ANXA6: variants seen among roughly 807,000 people sequenced by gnomAD.
ANXA6 encodes 67 kDa calelectrin.
Under a neutral mutation model 95.4 loss-of-function variants are expected in ANXA6, and 71 were observed. That is an observed-to-expected ratio of 0.74 (90% CI 0.61 to 0.91). The LOEUF (loss-of-function observed/expected upper bound fraction) is 0.91. Ranked by LOEUF, ANXA6 falls within the 40% of genes least tolerant of loss-of-function variation. The pLI is 0.00. For synonymous variants in ANXA6, 289 were observed against 315.9 expected (o/e 0.91, Z 0.90); for missense variants, 830 against 876.4 (o/e 0.95, Z 0.67).
intron 24 of ANXA6, among the ~76,000 whole-genome samples, chr5:151,104,631 G>A (rs1415622891): frequency 1.3e-5 from 2 of 152,214 alleles, no homozygotes; most frequent in African/African-American, 4.8e-5. Context: ...AGACTGTAGG[G>A]TGAGGGTCTC....
chr5:151,149,435 A>G (rs1255371207), intron 1 of ANXA6, among the ~76,000 whole-genome samples: 1 of 152,198 alleles, frequency 6.6e-6, no homozygotes, highest in Non-Finnish European at 1.5e-5. Flanking sequence ...TCTTAAGAGA[A>G]GGAGAAGAGA....
intron 2 of ANXA6, among the ~76,000 whole-genome samples, chr5:151,146,248 C>T (rs1242970599): frequency 6.6e-6 from 1 of 152,228 alleles, no homozygotes; most frequent in Non-Finnish European, 1.5e-5. Context: ...CATCTAGAAT[C>T]CTGCAGTTCA....
intron 23 of ANXA6, among the ~76,000 whole-genome samples, chr5:151,108,062 T>C (rs1764746912): frequency 2.0e-5 from 3 of 152,064 alleles, no homozygotes; most frequent in Admixed American, 1.3e-4. Flanking sequence ...CACATGCATA[T>C]GTAACGTGTT....
intron 17 of ANXA6, 28 bp from the exon 18 acceptor site, chr5:151,119,418 A>G (rs780494321): frequency 6.2e-7 from 1 of 1,606,196 alleles, no homozygotes; most frequent in Non-Finnish European, 8.5e-7. Flanking sequence ...AGATGATCTC[A>G]GCCATAGTTC....
At chr5:151,119,490 G>C in intron 17 of ANXA6, 100 bp from the exon 18 acceptor site, 2 of 1,001,362 alleles carry the variant, frequency 2.0e-6, no homozygotes, top group South Asian at 2.7e-5. Context: ...AGCATTCCTG[G>C]ATTTTCTCCT....
In ANXA6 at chr5:151,138,783, A is replaced by C; in HGVS notation, c.213T>G (p.Ile71Met). 6.2e-7 allele frequency: 1 copy of C among 1,612,816 alleles called. No homozygotes were observed. The highest frequency in any genetic ancestry group is 8.5e-7 in the Non-Finnish European group (1 of 1,178,908). The change falls in exon 5 of 26, where the codon ATT becomes ATG. Residue 71 changes from isoleucine (I) to methionine (M), a missense_variant. Transcript: ENST00000354546. ...CCGTCAATTCATACTTTAAATCAGC[A>C]ATGAGGTCCTGGCAGGTGGGGAAGA... is the stretch of plus-strand genomic sequence containing the variant. ...SYKSLYGKDLIADLKYELTGK... is the reference protein window; with the variant it reads ...SYKSLYGKDLMADLKYELTGK...
intron 11 of ANXA6, among the ~76,000 whole-genome samples, 162 bp downstream of exon 11, chr5:151,131,069 C>T (rs1484395587): frequency 6.6e-6 from 1 of 152,210 alleles, no homozygotes. Context: ...TGACCAGCAG[C>T]ATTCCTGGCT....
Position 151,101,356 on chromosome 5 carries a change from C to G in ANXA6, c.*92G>C. On this transcript the variant is annotated 3_prime_UTR_variant, in exon 26 of 26. Coordinates refer to ENST00000354546, the MANE Select transcript of ANXA6 (RefSeq NM_001155.5). ...CCCCTCCCCCCACCCCTGCCCCTTCCTTAGTCTCTGGAGCTGGAACAATCA... is the reference window on the plus strand; with the variant it reads ...CCCCTCCCCCCACCCCTGCCCCTTCGTTAGTCTCTGGAGCTGGAACAATCA... 1 of 489,976 alleles carries G rather than the reference C, an allele frequency of 2.0e-6. No individual in the cohort carries two copies. The highest frequency in any genetic ancestry group is 7.1e-5 in the East Asian group (1 of 14,014). The allele number at this position is 489,976 out of a possible 1,614,324, so 30.4% of individuals were successfully genotyped here. A position where few individuals can be genotyped will look rare whatever the true frequency, so the allele number is the denominator to read the frequency against.
chr5:151,145,029 C>T (rs756934280), intron 2 of ANXA6, among the ~76,000 whole-genome samples: 1 of 152,224 alleles, frequency 6.6e-6, no homozygotes. Context: ...TCACCCACCC[C>T]ACCCTGACTG....
intron 24 of ANXA6, among the ~76,000 whole-genome samples, chr5:151,104,227 G>A (rs1764631745): frequency 1.3e-5 from 2 of 152,130 alleles, no homozygotes; most frequent in South Asian, 4.1e-4. Context: ...CCTTGATTTT[G>A]GGCTTTTGGC....
intron 18 of ANXA6, among the ~76,000 whole-genome samples, chr5:151,118,635 T>C (rs7720108): frequency 0.29 from 43,370 of 151,996 alleles, 6,798 homozygotes; most frequent in East Asian, 0.48. Context: ...GGTCTCACCA[T>C]GTTAGCCAAG....
chr5:151,109,897 CCTTGGTTATTATTCA>C, intron 21 of ANXA6, 51 bp from the exon 22 acceptor site: 4 of 1,360,058 alleles, frequency 2.9e-6, no homozygotes, highest in Non-Finnish European at 4.1e-6. Context: ...CATGAGAAAG[CCTTGGTTATTATTCA>C]CTTTCATGTC....
chr5:151,142,476 T>C (rs1582015034), intron 2 of ANXA6, among the ~76,000 whole-genome samples: 1 of 144,574 alleles, frequency 6.9e-6, no homozygotes, highest in Non-Finnish European at 1.5e-5. Context: ...AGACTGACTC[T>C]GTCTCAAAAA....
In ANXA6 at chr5:151,117,115, TG is replaced by T. The variant is rs758773003; in HGVS notation, c.1572+11del. The T allele has an allele frequency of 4.4e-6, 7 of 1,584,054 alleles. No individual in the cohort carries two copies. The highest frequency in any genetic ancestry group is 1.7e-5 in the Admixed American group (1 of 57,846). ...CCCGGCAGAGGTGACTGGGGTGGGCTGGGGGTCTTACCTGGGCATCTTCCCG... is the reference window on the plus strand; with the variant it reads ...CCCGGCAGAGGTGACTGGGGTGGGCTGGGGTCTTACCTGGGCATCTTCCCG... On this transcript the variant is annotated intron_variant, in intron 20 of 25. Transcript: ENST00000354546.
rs1765381034 is a variant in ANXA6 at position 151,128,139 on chromosome 5, C to T, written c.977+42G>A. 2.5e-6 allele frequency: 4 copies of T among 1,576,724 alleles called. No homozygotes were observed. The African/African-American group carries it at 5.4e-5, about 21-fold the overall frequency. On this transcript the variant is annotated intron_variant, in intron 13 of 25. Transcript: ENST00000354546. ...GCCAGGAGAGTCCCCGCCTGGCACC[C>T]CAAGGCCATGCCCTCCAGCCAGGGG...
intron 1 of ANXA6, among the ~76,000 whole-genome samples, chr5:151,152,606 G>A (rs1295986632): frequency 1.3e-5 from 2 of 152,204 alleles, no homozygotes; most frequent in African/African-American, 4.8e-5. Context: ...TATTACAGCA[G>A]TAGTCTCCAA....
At chr5:151,153,062 G>C (rs554829527) in intron 1 of ANXA6, among the ~76,000 whole-genome samples, 1 of 152,146 alleles carries the variant, frequency 6.6e-6, no homozygotes, top group African/African-American at 2.4e-5. Context: ...GCACTCCTCT[G>C]CTCACAAGTC....
At chr5:151,146,821 C>G (rs1765987356) in intron 2 of ANXA6, among the ~76,000 whole-genome samples, 5 of 152,168 alleles carry the variant, frequency 3.3e-5, no homozygotes. Context: ...GAGACTTGCT[C>G]TGTAGCCCAG....
chr5:151,122,736 C>T (rs2113916981), intron 16 of ANXA6, among the ~76,000 whole-genome samples, 181 bp downstream of exon 16: 1 of 152,282 alleles, frequency 6.6e-6, no homozygotes, highest in African/African-American at 2.4e-5. Flanking sequence ...GAACTGGGGG[C>T]ATGGAAAGAT....
Sources: gnomAD v4.1 joint callset for allele counts (sites outside exome capture counted in the v4.1 genomes callset) on GRCh38, gnomAD v4.1.1 for gene constraint, MANE v1.5 for transcripts, NCBI Gene and HGNC (gene_info 2026-07-23, HGNC 2026-07-21) for gene names.